The following ZNF469 variants were observed in gnomAD, a reference collection of about 807,000 sequenced individuals.
ZNF469 encodes the protein zinc finger protein 469.
A neutral mutation model predicts 1.0 loss-of-function variants in ZNF469; 1 was observed. That is an observed-to-expected ratio of 1.00 (90% CI 0.35 to 4.73). ZNF469 has a LOEUF of 4.73. Among genes scored for constraint, ZNF469 ranks in the 30% most tolerant of loss-of-function variants. ZNF469 has a pLI of 0.16. For synonymous variants in ZNF469, 2,703 were observed against 2,363.4 expected (o/e 1.14, Z -4.17); for missense variants, 6,100 against 5,356.3 (o/e 1.14, Z -4.33).
At chr16:88,175,030 C>T in the ZNF469 span, among the ~76,000 whole-genome samples, 2,162 of 152,114 alleles carry the variant, frequency 0.014, 52 homozygotes, top group African/African-American at 0.05. Context: ...ATGACACAGA[C>T]ACAAGCTGGA....
rs371739743 is a variant in ZNF469 at position 88,434,209 on chromosome 16, G to T, written c.6739G>T (p.Asp2247Tyr). 4.1e-5 allele frequency: 63 copies of T among 1,550,382 alleles called. No homozygotes were observed. The Middle Eastern group carries it at 1.0e-3, about 25-fold the overall frequency. ...TCTHSGDTPKDSTLRIPEDSR... is the reference protein window; with the variant it reads ...TCTHSGDTPKYSTLRIPEDSR... ...CACTCACAGTGGGGACACCCCCAAA[G>T]ACAGCACTTTAAGAATTCCAGAGGA... The change falls in exon 3 of 3, where the codon GAC (aspartate) becomes TAC (tyrosine). Residue 2247 changes from aspartate (D) to tyrosine (Y), a missense_variant. By Grantham distance (160) the Asp-to-Tyr change is radical (BLOSUM62 -3). Coordinates refer to ENST00000565624, the MANE Select transcript of ZNF469 (RefSeq NM_001367624.2).
At chr16:88,338,317 C>T in the ZNF469 span, among the ~76,000 whole-genome samples, 1 of 152,150 alleles carries the variant, frequency 6.6e-6, no homozygotes, top group Non-Finnish European at 1.5e-5. Flanking sequence ...CGGGATAGTG[C>T]TCTGTGGTTG....
chr16:88,337,518 G>A, the ZNF469 span, among the ~76,000 whole-genome samples: 9 of 152,182 alleles, frequency 5.9e-5, no homozygotes, highest in African/African-American at 1.9e-4. Context: ...GTGTTTGCAC[G>A]GACGTGTTTT....
the ZNF469 span, among the ~76,000 whole-genome samples, chr16:88,354,522 C>T: frequency 1.2e-4 from 19 of 152,228 alleles, no homozygotes; most frequent in South Asian, 2.1e-4. Context: ...AGGAGCCGAC[C>T]GCACCCCGGT....
At chr16:88,355,889 C>A in the ZNF469 span, among the ~76,000 whole-genome samples, 3 of 152,108 alleles carry the variant, frequency 2.0e-5, no homozygotes, top group Non-Finnish European at 1.5e-5. Context: ...CCTCGGCGGC[C>A]GCCTCTTGGG....
chr16:88,437,715 G>T lies in ZNF469; in HGVS notation c.10245G>T (p.Lys3415Asn), dbSNP rs1192806496. The T allele has an allele frequency of 6.5e-7, 1 of 1,549,736 alleles. No individual in the cohort carries two copies. Among genetic ancestry groups the T allele is most frequent in the Non-Finnish European group, 8.7e-7 (1 of 1,146,640 alleles). Residue 3415 changes from lysine to asparagine, a missense_variant, in exon 3 of 3, where the codon AAG (lysine) becomes AAT (asparagine). Transcript: ENST00000565624. ...ELCATVMRII[K>N]KSFACSSCNY... Reference sequence around the variant, plus strand: ...GCGCCACGGTTATGCGCATCATCAAGAAGTCCTTCGCCTGCAGCTCCTGCA... The same window carrying T: ...GCGCCACGGTTATGCGCATCATCAATAAGTCCTTCGCCTGCAGCTCCTGCA...
At chr16:88,264,864 G>A in the ZNF469 span, among the ~76,000 whole-genome samples, 2 of 152,144 alleles carry the variant, frequency 1.3e-5, no homozygotes, top group Admixed American at 6.5e-5. Flanking sequence ...TGCTCACTGC[G>A]CTGCTTTCCA....
the ZNF469 span, among the ~76,000 whole-genome samples, chr16:88,302,241 G>A: frequency 6.6e-5 from 10 of 152,236 alleles, no homozygotes; most frequent in Non-Finnish European, 1.3e-4. Context: ...CGCTGCTGTC[G>A]GAGTGCTGGG....
the ZNF469 span, among the ~76,000 whole-genome samples, chr16:88,142,549 G>T: frequency 1.3e-5 from 2 of 152,226 alleles, no homozygotes; most frequent in African/African-American, 4.8e-5. Flanking sequence ...CTTATCAACA[G>T]CACAGACCTC....
chr16:88,253,971 T>C, the ZNF469 span, among the ~76,000 whole-genome samples: 5 of 151,120 alleles, frequency 3.3e-5, no homozygotes, highest in East Asian at 1.9e-4. Flanking sequence ...CTTTTTTTTT[T>C]CCATTTCCTA....
rs754267225 is a variant in ZNF469, at chr16:88,437,773, C to G, written c.10303C>G (p.Arg3435Gly). 1.2e-5 allele frequency: 19 copies of G among 1,549,534 alleles called. No homozygotes were observed. The highest frequency in any genetic ancestry group is 1.6e-5 in the Non-Finnish European group (18 of 1,146,444). Residue 3435 changes from arginine to glycine, a missense_variant, in exon 3 of 3, where the codon CGC becomes GGC. Transcript: ENST00000565624. ...CTTCGCCAAGAAGGAGCAGTTCGAC[C>G]GCCACATGAACAAGCACCTCAGGGG... ...YTFAKKEQFD[R>G]HMNKHLRGGR...
chr16:88,256,951 T>TTCTTTC, the ZNF469 span, among the ~76,000 whole-genome samples: 1 of 16,668 alleles, frequency 6.0e-5, no homozygotes. Flanking sequence ...TCTTTCTTTC[T>TTCTTTC]TTTCTTTTCT....
At chr16:88,381,856 G>C (rs2092526084), upstream of ZNF469, among the ~76,000 whole-genome samples, 1 of 152,272 alleles carries the variant, frequency 6.6e-6, no homozygotes, top group South Asian at 2.1e-4. Flanking sequence ...TCAGGAGGCA[G>C]ACCAGATTGG....
the ZNF469 span, among the ~76,000 whole-genome samples, chr16:88,330,296 C>G: frequency 2.6e-5 from 4 of 152,208 alleles, no homozygotes; most frequent in South Asian, 2.1e-4. Flanking sequence ...GAAGGCCCTT[C>G]CTAGCATTTC....
intron 1 of ZNF469, among the ~76,000 whole-genome samples, chr16:88,410,342 T>C (rs963189577): frequency 6.6e-6 from 1 of 150,996 alleles, no homozygotes; most frequent in African/African-American, 2.4e-5. Context: ...CACAGTAACG[T>C]CTATGATGCT....
the ZNF469 span, among the ~76,000 whole-genome samples, chr16:88,326,916 G>A: frequency 2.0e-5 from 3 of 152,268 alleles, no homozygotes; most frequent in Admixed American, 2.0e-4. Context: ...GGGCCCAGGA[G>A]CAGCACCCCC....
the ZNF469 span, among the ~76,000 whole-genome samples, chr16:88,116,313 ATGTTGCGG>A: frequency 6.6e-6 from 1 of 152,182 alleles, no homozygotes; most frequent in South Asian, 2.1e-4. Context: ...AGAACCGGTG[ATGTTGCGG>A]TGTAGACACA....
chr16:88,339,913 C>T, the ZNF469 span, among the ~76,000 whole-genome samples: 1 of 144,592 alleles, frequency 6.9e-6, no homozygotes, highest in Admixed American at 6.7e-5. Flanking sequence ...CCAGGTGCTT[C>T]ACGGGGTGGC....
chr16:88,300,068 C>T, the ZNF469 span, among the ~76,000 whole-genome samples: 1 of 152,170 alleles, frequency 6.6e-6, no homozygotes, highest in South Asian at 2.1e-4. Flanking sequence ...GGAGAAGGGC[C>T]CTGCTCGGCC....
Sources: gnomAD v4.1 joint callset for allele counts (sites outside exome capture counted in the v4.1 genomes callset) on GRCh38, gnomAD v4.1.1 for gene constraint, MANE v1.5 for transcripts, NCBI Gene and HGNC (gene_info 2026-07-23, HGNC 2026-07-21) for gene names.